The following FGFR3 variants were observed in gnomAD, a reference collection of about 807,000 sequenced individuals.
FGFR3 encodes fibroblast growth factor receptor 3.
Under a neutral mutation model 82.9 loss-of-function variants are expected in FGFR3, and 25 were observed. That is an observed-to-expected ratio of 0.30 (90% CI 0.22 to 0.42). FGFR3 has a LOEUF of 0.42. Among genes scored for constraint, FGFR3 ranks in the 10% least tolerant of loss-of-function variants. FGFR3 has a pLI of 1.00. For synonymous variants in FGFR3, 620 were observed against 516.0 expected (o/e 1.20, Z -2.73); for missense variants, 1,026 against 1,161.0 (o/e 0.88, Z 1.69).
chr4:1,793,970 G>T lies in FGFR3; in HGVS notation c.36G>T (p.Val12=). The T allele has an allele frequency of 7.3e-7, 1 of 1,376,412 alleles. No individual in the cohort carries two copies. The highest frequency in any genetic ancestry group is 9.5e-7 in the Non-Finnish European group (1 of 1,052,032). 85.3% of individuals were successfully genotyped at this position (1,376,412 alleles called of 1,614,324 possible). The change falls in exon 2 of 18, where the codon GTG becomes GTT. Residue 12 remains valine, a synonymous_variant. Coordinates refer to ENST00000440486, the MANE Select transcript of FGFR3 (RefSeq NM_000142.5). ...CTGCCTGCGCCCTCGCGCTCTGCGT[G>T]GCCGTGGCCATCGTGGCCGGCGCCT... ...GAPACALALC[V]AVAIVAGASS... is the part of the protein sequence containing the mutation.
rs1381814048 is a variant in FGFR3 at position 1,803,856 on chromosome 4, C to T, written c.1075+20C>T. On this transcript the variant is annotated intron_variant, in intron 8 of 17. Transcript: ENST00000440486. ...TGCCAGGTACCGGCTTCTGCTGCTGCTGCTGCTCCGCACTGTCTGGGGGAC... is the reference window on the plus strand; with the variant it reads ...TGCCAGGTACCGGCTTCTGCTGCTGTTGCTGCTCCGCACTGTCTGGGGGAC... The T allele has an allele frequency of 1.9e-6, 3 of 1,610,792 alleles. No homozygotes were observed. Among genetic ancestry groups the T allele is most frequent in the Non-Finnish European group, 2.5e-6 (3 of 1,177,748 alleles).
In FGFR3 at chr4:1,801,695, G is replaced by A. The variant is rs1311606532; in HGVS notation, c.691G>A (p.Glu231Lys). Residue 231 changes from glutamate (E) to lysine (K), a missense_variant, in exon 6 of 18, where the codon GAG becomes AAG. Physicochemically the swap from Glu to Lys is moderately conservative, Grantham distance 56. This residue lies in a region of FGFR3 where 147 missense variants were observed against 228.1 expected (regional missense o/e 0.64). Coordinates refer to ENST00000440486, the MANE Select transcript of FGFR3 (RefSeq NM_000142.5). Reference protein sequence around the residue: ...SDRGNYTCVVENKFGSIRQTY... With the variant: ...SDRGNYTCVVKNKFGSIRQTY... ...CCGCGGCAACTACACCTGCGTCGTG[G>A]AGAACAAGTTTGGCAGCATCCGGCA... The A allele has an allele frequency of 2.5e-6, 4 of 1,610,912 alleles. No homozygotes were observed. Among genetic ancestry groups the A allele is most frequent in the Admixed American group, 1.7e-5 (1 of 59,838 alleles).
At chr4:1,802,393 C>T (rs933904330) in intron 7 of FGFR3, among the ~76,000 whole-genome samples, 10 of 152,174 alleles carry the variant, frequency 6.6e-5, no homozygotes, top group South Asian at 2.1e-4. Context: ...GGCTGAGCCC[C>T]GACCTGGCCG....
chr4:1,805,544 C>T lies in FGFR3; in HGVS notation c.1535-15C>T, dbSNP rs1445668868. ...GCCGCCGCCGCCTGACACAGGCCCCCCGCTCCGTGCACAGACGATGCCACT... is the reference window on the plus strand; with the variant it reads ...GCCGCCGCCGCCTGACACAGGCCCCTCGCTCCGTGCACAGACGATGCCACT... On this transcript the variant is annotated splice_polypyrimidine_tract_variant and intron_variant, in intron 11 of 17. Coordinates refer to ENST00000440486, the MANE Select transcript of FGFR3 (RefSeq NM_000142.5). 1 of 1,612,788 alleles carries T rather than the reference C, an allele frequency of 6.2e-7. No homozygotes were observed. Among genetic ancestry groups the T allele is most frequent in the Non-Finnish European group, 8.5e-7 (1 of 1,179,814 alleles).
chr4:1,795,463 C>CT (rs1720389093), intron 2 of FGFR3, among the ~76,000 whole-genome samples: 1 of 147,776 alleles, frequency 6.8e-6, no homozygotes, highest in African/African-American at 2.5e-5. Context: ...CGCACTGGAG[C>CT]TGGTGAAACA....
At chr4:1,802,926 G>C in intron 7 of FGFR3, 1 of 1,599,706 alleles carries the variant, frequency 6.3e-7, no homozygotes, top group Non-Finnish European at 8.5e-7. Flanking sequence ...CTGGATCAGT[G>C]AGAGTGTGGA....
chr4:1,799,662 G>C, intron 3 of FGFR3, 85 bp from the exon 4 acceptor site: 1 of 1,578,910 alleles, frequency 6.3e-7, no homozygotes, highest in Non-Finnish European at 8.6e-7. Context: ...CTGCCCAAAT[G>C]GGGGACCCTG....
At chr4:1,804,087 G>A (rs1209945242) in intron 8 of FGFR3, among the ~76,000 whole-genome samples, 3 of 152,220 alleles carry the variant, frequency 2.0e-5, no homozygotes, top group East Asian at 1.9e-4. Context: ...TGTGGCTCTG[G>A]TGTCTCCCGG....
intron 2 of FGFR3, among the ~76,000 whole-genome samples, chr4:1,798,983 G>A (rs913244862): frequency 6.6e-6 from 1 of 152,362 alleles, no homozygotes; most frequent in East Asian, 1.9e-4. Flanking sequence ...AGCATCATGG[G>A]GCCACTGCTG....
At chr4:1,806,426 T>C in intron 15 of FGFR3, 99 bp downstream of exon 15, 1 of 1,600,332 alleles carries the variant, frequency 6.2e-7, no homozygotes. Flanking sequence ...CTGGAGCTCC[T>C]GGGTGTGGTT....
chr4:1,805,179 G>A (rs994588725), intron 10 of FGFR3, among the ~76,000 whole-genome samples, 176 bp from the exon 11 acceptor site: 3 of 152,266 alleles, frequency 2.0e-5, no homozygotes, highest in Admixed American at 6.5e-5. Flanking sequence ...CAGCAAGGGC[G>A]GGAGGCTGTG....
At chr4:1,799,702 C>A (rs754442684) in intron 3 of FGFR3, 45 bp from the exon 4 acceptor site, 1 of 1,609,474 alleles carries the variant, frequency 6.2e-7, no homozygotes, top group South Asian at 1.1e-5. Context: ...CTGGGGGCCT[C>A]CTGGGGCAGG....
chr4:1,803,484 C>T (rs575017681), intron 7 of FGFR3, among the ~76,000 whole-genome samples: 2 of 152,378 alleles, frequency 1.3e-5, no homozygotes, highest in Non-Finnish European at 2.9e-5. Context: ...ACAGAGGACT[C>T]GCCGGTGGAG....
Position 1,804,310 on chromosome 4 carries a change from C to T in FGFR3, c.1076-20C>T, listed in dbSNP as rs766893982. On this transcript the variant is annotated intron_variant, in intron 8 of 17. Coordinates refer to ENST00000440486, the MANE Select transcript of FGFR3 (RefSeq NM_000142.5). ...TGGGGGGGGGGGCCAGGCCAGGCCT[C>T]AACGCCCATGTCTTTGCAGCCGAGG... The T allele has an allele frequency of 1.3e-6, 2 of 1,583,066 alleles. No homozygotes were observed. The highest frequency in any genetic ancestry group is 1.7e-6 in the Non-Finnish European group (2 of 1,166,892).
chr4:1,793,747 G>A (rs910495962), intron 1 of FGFR3, 86 bp from the exon 2 acceptor site: 9 of 157,218 alleles, frequency 5.7e-5, no homozygotes, highest in Non-Finnish European at 1.2e-4. Flanking sequence ...GCGGCTGGGG[G>A]TCGGAGGGGT....
chr4:1,805,882 A>G lies in FGFR3; in HGVS notation c.1778A>G (p.Asp593Gly). 3 of 1,612,798 alleles carry G rather than the reference A, an allele frequency of 1.9e-6. No individual in the cohort carries two copies. The highest frequency in any genetic ancestry group is 2.5e-6 in the Non-Finnish European group (3 of 1,179,822). Residue 593 changes from aspartate to glycine, a missense_variant, in exon 13 of 18, where the codon GAC becomes GGC. Physicochemically the swap from Asp to Gly is moderately conservative, Grantham distance 94 (BLOSUM62 -1). Around this residue, in one of 9 missense-constraint regions of FGFR3, gnomAD observed 164 missense variants for 167.5 expected, o/e 0.98. Coordinates refer to ENST00000440486, the MANE Select transcript of FGFR3 (RefSeq NM_000142.5). ...CCCGAGGAGCAGCTCACCTTCAAGGACCTGGTGTCCTGTGCCTACCAGGTG... is the reference window on the plus strand; with the variant it reads ...CCCGAGGAGCAGCTCACCTTCAAGGGCCTGGTGTCCTGTGCCTACCAGGTG... ...KPPEEQLTFK[D>G]LVSCAYQVAR...
In FGFR3 at chr4:1,799,344, G is replaced by C. The variant is rs369232922; in HGVS notation, c.200G>C (p.Gly67Ala). 6.2e-7 allele frequency: 1 copy of C among 1,612,604 alleles called. No homozygotes were observed. Among genetic ancestry groups the C allele is most frequent in the Non-Finnish European group, 8.5e-7 (1 of 1,179,900 alleles). The stretch of plus-strand genomic sequence containing the variant: ...CTGAGCTGTCCCCCGCCCGGGGGTG[G>C]TCCCATGGGGCCCACTGTCTGGGTC... ...VELSCPPPGGGPMGPTVWVKD... is the reference protein window; with the variant it reads ...VELSCPPPGGAPMGPTVWVKD... The change falls in exon 3 of 18, where the codon GGT (glycine) becomes GCT (alanine). Residue 67 changes from glycine to alanine, a missense_variant. Physicochemically the swap from Gly to Ala is moderately conservative, Grantham distance 60. Transcript: ENST00000440486.
intron 4 of FGFR3, 65 bp downstream of exon 4, chr4:1,799,877 C>A: frequency 6.4e-7 from 1 of 1,570,000 alleles, no homozygotes; most frequent in Non-Finnish European, 8.7e-7. Context: ...CAAGCCCTGC[C>A]CTTCACAGGC....
intron 9 of FGFR3, 131 bp downstream of exon 9, chr4:1,804,651 C>G (rs1416060722): frequency 2.8e-6 from 4 of 1,437,548 alleles, no homozygotes; most frequent in South Asian, 1.1e-5. Flanking sequence ...CTCCTCGTCT[C>G]TGCTCACCAT....
Sources: gnomAD v4.1 joint callset for allele counts (sites outside exome capture counted in the v4.1 genomes callset) on GRCh38, gnomAD v4.1.1 for gene constraint, gnomAD v4.1.1 regional missense constraint, MANE v1.5 for transcripts, NCBI Gene and HGNC (gene_info 2026-07-23, HGNC 2026-07-21) for gene names.